ZNF91: variants seen among roughly 807,000 people sequenced by gnomAD.
ZNF91 encodes zinc finger protein 91, also known as zinc finger protein 91 (HPF7, HTF10).
In ZNF91, 7 loss-of-function variants were observed where a neutral mutation model predicts 12.6. That is an observed-to-expected ratio of 0.55 (90% CI 0.31 to 1.04). The LOEUF (loss-of-function observed/expected upper bound fraction) is 1.04, where lower values mean the gene tolerates loss of function less well. ZNF91 is among the 50% of genes least tolerant of loss of function. ZNF91 has a pLI of 0.05. For synonymous variants in ZNF91, 453 were observed against 462.6 expected (o/e 0.98, Z 0.27); for missense variants, 1,217 against 1,385.4 (o/e 0.88, Z 1.93).
chr19:23,387,008 C>CT (rs1489636395), intron 1 of ZNF91, among the ~76,000 whole-genome samples: 9 of 152,192 alleles, frequency 5.9e-5, no homozygotes, highest in Admixed American at 5.2e-4. Context: ...GAAAAAGATG[C>CT]TTTTCGAAAG....
intron 1 of ZNF91, among the ~76,000 whole-genome samples, chr19:23,329,773 A>G (rs1294658593): frequency 6.6e-6 from 1 of 152,202 alleles, no homozygotes; most frequent in Non-Finnish European, 1.5e-5. Context: ...GGCAAACAAA[A>G]TAGTGATGTT....
At chr19:23,315,537 T>C (rs1599680485), upstream of ZNF91, among the ~76,000 whole-genome samples, 1 of 151,424 alleles carries the variant, frequency 6.6e-6, no homozygotes, top group African/African-American at 2.5e-5. Context: ...CACTGCAACA[T>C]ATCTTTGGGC....
chr19:23,384,665 A>T, intron 1 of ZNF91: 1 of 572,430 alleles, frequency 1.7e-6, no homozygotes, highest in South Asian at 2.4e-5. Flanking sequence ...AAATCGGCAA[A>T]GAGGGCCAAG....
chr19:23,378,460 C>A, intron 1 of ZNF91, among the ~76,000 whole-genome samples: 1 of 151,346 alleles, frequency 6.6e-6, no homozygotes, highest in South Asian at 2.2e-4. Context: ...AGCTAAAAAA[C>A]AAAAACGAAA....
At chr19:23,362,874 TTTTG>T (rs764309283) in intron 3 of ZNF91, 149 bp from the exon 4 acceptor site, 21 of 1,201,298 alleles carry the variant, frequency 1.7e-5, no homozygotes, top group African/African-American at 1.3e-4. Flanking sequence ...ATTTTTGTTT[TTTTG>T]TTTGTTTGTT....
intron 3 of ZNF91, among the ~76,000 whole-genome samples, chr19:23,345,493 T>C (rs538722869): frequency 3.9e-5 from 6 of 152,342 alleles, no homozygotes; most frequent in African/African-American, 1.2e-4. Flanking sequence ...AAATTACTTA[T>C]ATCCAGGCCT....
downstream of ZNF91, among the ~76,000 whole-genome samples, chr19:23,334,953 A>G (rs1367385542): frequency 6.6e-6 from 1 of 152,228 alleles, no homozygotes; most frequent in Non-Finnish European, 1.5e-5. Context: ...TCACATACCA[A>G]AAAAGAATTT....
chr19:23,381,263 C>T (rs538057680), intron 1 of ZNF91, among the ~76,000 whole-genome samples: 2 of 152,100 alleles, frequency 1.3e-5, no homozygotes, highest in Non-Finnish European at 1.5e-5. Context: ...ATTAAAACAA[C>T]TATTTAAGGA....
At chr19:23,340,497 G>C (rs977063359) in intron 3 of ZNF91, among the ~76,000 whole-genome samples, 1 of 151,906 alleles carries the variant, frequency 6.6e-6, no homozygotes, top group Non-Finnish European at 1.5e-5. Context: ...TAGAGTACCT[G>C]AACAAACCAA....
rs749236737 is a variant in ZNF91 at position 23,360,742 on chromosome 19, T to C, written c.2237A>G (p.Glu746Gly). The C allele has an allele frequency of 6.2e-7, 1 of 1,613,838 alleles. No homozygotes were observed. Residue 746 changes from glutamate (E) to glycine (G), a missense_variant, in exon 4 of 4, where the codon GAA (glutamate) becomes GGA (glycine). By Grantham distance (98) the Glu-to-Gly change is moderately conservative (BLOSUM62 -2). This residue lies in a region of ZNF91 where 726 missense variants were observed against 895.5 expected (regional missense o/e 0.81). Transcript: ENST00000300619. ...GGACCAGTTAAATGCTTTGCCACAT[T>C]CTTCACACTTGTAAGGTTTCTCTCC... ...HTGEKPYKCE[E>G]CGKAFNWSSS...
upstream of ZNF91, among the ~76,000 whole-genome samples, chr19:23,314,602 G>A (rs112251276): frequency 0.027 from 4,064 of 152,200 alleles, 148 homozygotes; most frequent in African/African-American, 0.087. Context: ...TGCTCACTGA[G>A]GTTGTAACTG....
intron 1 of ZNF91, among the ~76,000 whole-genome samples, chr19:23,323,297 TCTCTTC>T (rs1176994755): frequency 7.0e-6 from 1 of 143,804 alleles, no homozygotes; most frequent in Non-Finnish European, 1.5e-5. Flanking sequence ...CTCCCCTCCT[TCTCTTC>T]CTCATCTTCC....
At chr19:23,384,226 G>A (rs74971761) in intron 1 of ZNF91, among the ~76,000 whole-genome samples, 3,414 of 152,306 alleles carry the variant, frequency 0.022, 53 homozygotes, top group Middle Eastern at 0.044. Flanking sequence ...TGGCAGAATA[G>A]CTCTTTAAAC....
At chr19:23,305,892 G>A (rs1221426205) in intron 3 of ZNF91, among the ~76,000 whole-genome samples, 2 of 152,208 alleles carry the variant, frequency 1.3e-5, no homozygotes, top group Non-Finnish European at 2.9e-5. Context: ...TGAAAGTGAA[G>A]CTTTGTCTAT....
At chr19:23,342,371 T>C (rs1162092633) in intron 3 of ZNF91, 2 of 335,828 alleles carry the variant, frequency 6.0e-6, no homozygotes, top group Non-Finnish European at 1.1e-5. Context: ...TCTAGAAATT[T>C]AATTCCAAAA....
chr19:23,389,170 C>T (rs77077667), intron 1 of ZNF91, among the ~76,000 whole-genome samples: 2 of 151,694 alleles, frequency 1.3e-5, no homozygotes, highest in Non-Finnish European at 2.9e-5. Context: ...AAAAAAAAAA[C>T]TCCCTGGGTA....
chr19:23,315,948 C>T (rs1967550320), intron 1 of ZNF91, among the ~76,000 whole-genome samples: 1 of 152,162 alleles, frequency 6.6e-6, no homozygotes, highest in Admixed American at 6.5e-5. Flanking sequence ...GGATGTTACT[C>T]TCCTCTCCTG....
chr19:23,373,897 T>A, intron 2 of ZNF91, 60 bp from the exon 3 acceptor site: 1 of 1,254,320 alleles, frequency 8.0e-7, no homozygotes, highest in Non-Finnish European at 1.1e-6. Context: ...GCCAACTTAG[T>A]AATGTGCTCA....
chr19:23,384,075 C>A (rs900572112), intron 1 of ZNF91, among the ~76,000 whole-genome samples: 8 of 152,094 alleles, frequency 5.3e-5, no homozygotes, highest in African/African-American at 1.9e-4. Flanking sequence ...TGCCACTACC[C>A]TCCAGCCTGG....
Sources: gnomAD v4.1 joint callset for allele counts (sites outside exome capture counted in the v4.1 genomes callset) on GRCh38, gnomAD v4.1.1 for gene constraint, gnomAD v4.1.1 regional missense constraint, MANE v1.5 for transcripts, NCBI Gene and HGNC (gene_info 2026-07-23, HGNC 2026-07-21) for gene names.